Variants in KLHL2 observed in about 807,000 individuals in gnomAD.
KLHL2 encodes kelch-like protein 2.
A neutral mutation model predicts 75.8 loss-of-function variants in KLHL2; 15 were observed. The ratio of observed to expected loss-of-function variants is 0.20; its 90% CI spans 0.13 to 0.30. The LOEUF is 0.30. KLHL2 is among the 10% of genes least tolerant of loss of function. The pLI is 1.00. For missense variants in KLHL2, 381 were observed against 741.0 expected (o/e 0.51, Z 5.64); for synonymous variants, 214 against 251.9 (o/e 0.85, Z 1.42).
Position 165,260,660 on chromosome 4 carries a change from T to G in KLHL2, c.382-2537T>G, listed in dbSNP as rs1276087499. Among the ~76,000 whole-genome samples, 13 of 152,310 alleles carry G rather than the reference T, an allele frequency of 8.5e-5. No homozygotes were observed. The South Asian group carries it at 2.7e-3, about 32-fold the overall frequency. On this transcript the variant is annotated intron_variant, in intron 4 of 14. Transcript: ENST00000226725. ...AATATATTTTAGAAATTATCTCATTTATTAGTTTCCTCTTTCGTTTGAATG... is the reference window on the plus strand; with the variant it reads ...AATATATTTTAGAAATTATCTCATTGATTAGTTTCCTCTTTCGTTTGAATG...
chr4:165,315,735 G>A (rs1424064380), intron 13 of KLHL2, among the ~76,000 whole-genome samples: 3 of 152,074 alleles, frequency 2.0e-5, no homozygotes, highest in Admixed American at 6.5e-5. Flanking sequence ...AATAACCTAG[G>A]CTAAGGACCT....
intron 4 of KLHL2, among the ~76,000 whole-genome samples, chr4:165,243,205 T>C (rs1453352791): frequency 1.3e-5 from 2 of 152,246 alleles, no homozygotes; most frequent in African/African-American, 2.4e-5. Context: ...CTTGAACTTC[T>C]TAAAGCATTT....
intron 5 of KLHL2, among the ~76,000 whole-genome samples, chr4:165,276,467 G>A (rs1743110450): frequency 6.6e-6 from 1 of 151,994 alleles, no homozygotes; most frequent in Non-Finnish European, 1.5e-5. Context: ...CTAGGTAGAA[G>A]GGTACCACTT....
intron 4 of KLHL2, among the ~76,000 whole-genome samples, chr4:165,250,076 A>T (rs1361196484): frequency 1.3e-5 from 2 of 151,906 alleles, no homozygotes; most frequent in African/African-American, 4.8e-5. Context: ...GTAAGCCGAG[A>T]TCACCCCACT....
intron 4 of KLHL2, among the ~76,000 whole-genome samples, chr4:165,246,933 C>T (rs1740309742): frequency 1.3e-5 from 2 of 152,018 alleles, no homozygotes; most frequent in Admixed American, 6.5e-5. Flanking sequence ...TAATCTGGGG[C>T]ATTCCAGATT....
At chr4:165,255,837 A>T (rs1022804621) in intron 4 of KLHL2, among the ~76,000 whole-genome samples, 2 of 152,142 alleles carry the variant, frequency 1.3e-5, no homozygotes, top group African/African-American at 2.4e-5. Flanking sequence ...CTGTCTTTTC[A>T]TGCTTGCATG....
chr4:165,311,977 G>A (rs1579184862), intron 11 of KLHL2, among the ~76,000 whole-genome samples: 1 of 152,236 alleles, frequency 6.6e-6, no homozygotes, highest in East Asian at 1.9e-4. Flanking sequence ...GACAGGGGTG[G>A]GTTGGGGGGA....
intron 1 of KLHL2, among the ~76,000 whole-genome samples, chr4:165,212,852 A>G (rs1469247468): frequency 2.0e-5 from 3 of 152,202 alleles, no homozygotes; most frequent in Non-Finnish European, 1.5e-5. Context: ...GGCCTTGGCC[A>G]GTTCTTTTCA....
chr4:165,238,960 A>T (rs1739582928), intron 4 of KLHL2, 61 bp downstream of exon 4: 3 of 1,560,814 alleles, frequency 1.9e-6, no homozygotes, highest in Non-Finnish European at 2.6e-6. Flanking sequence ...TAATAAAAAA[A>T]GCACACCCAC....
chr4:165,271,015 A>T (rs1372273275), intron 5 of KLHL2, among the ~76,000 whole-genome samples: 9 of 152,124 alleles, frequency 5.9e-5, no homozygotes, highest in Non-Finnish European at 1.2e-4. Context: ...ATATCTACTT[A>T]TATGCCAGTG....
At chr4:165,221,423 C>T (rs1737981709) in intron 2 of KLHL2, among the ~76,000 whole-genome samples, 1 of 152,226 alleles carries the variant, frequency 6.6e-6, no homozygotes, top group Middle Eastern at 3.4e-3. Context: ...GAACAGTGTT[C>T]CAGGCATTGG....
chr4:165,247,175 T>G (rs1740327458), intron 4 of KLHL2, among the ~76,000 whole-genome samples: 1 of 152,204 alleles, frequency 6.6e-6, no homozygotes, highest in Non-Finnish European at 1.5e-5. Flanking sequence ...TCTGGTGTCT[T>G]GTCTGATTAG....
At chr4:165,246,041 A>G (rs1740232908) in intron 4 of KLHL2, among the ~76,000 whole-genome samples, 1 of 152,140 alleles carries the variant, frequency 6.6e-6, no homozygotes. Context: ...AGGGGTAGGG[A>G]CGAGACAGAT....
rs922755981 is a variant in KLHL2, at chr4:165,282,222, AT to A, written c.545-12135del. ...CCTTTGAGCATTACATTTTAGGTAA[AT>A]TCTTTGTAGGTACATTTTAGTGTGT... is the stretch of plus-strand genomic sequence containing the variant. On this transcript the variant is annotated intron_variant, in intron 5 of 14. Transcript: ENST00000226725. 4.6e-5 allele frequency among the ~76,000 whole-genome samples: 7 copies of A among 152,334 alleles called. 1 individual carries two copies. The highest frequency in any genetic ancestry group is 1.3e-4 in the Admixed American group (2 of 15,304).
chr4:165,313,105 A>G, intron 11 of KLHL2, 133 bp from the exon 12 acceptor site: 1 of 788,366 alleles, frequency 1.3e-6, no homozygotes, highest in Non-Finnish European at 2.0e-6. Context: ...TTTCATAAAA[A>G]TCAGCAGCAC....
chr4:165,281,622 T>A (rs1743696951), intron 5 of KLHL2, among the ~76,000 whole-genome samples: 1 of 152,206 alleles, frequency 6.6e-6, no homozygotes, highest in Non-Finnish European at 1.5e-5. Context: ...GCCCTGATGC[T>A]CTCTCTTGAC....
At chr4:165,294,082 A>G (rs56208210) in intron 5 of KLHL2, among the ~76,000 whole-genome samples, 11,518 of 152,216 alleles carry the variant, frequency 0.076, 893 homozygotes, top group African/African-American at 0.2. Context: ...AAATACCACC[A>G]TGTAAAACAA....
chr4:165,302,521 C>G (rs1000676127), intron 8 of KLHL2, among the ~76,000 whole-genome samples: 3 of 152,058 alleles, frequency 2.0e-5, no homozygotes, highest in Non-Finnish European at 4.4e-5. Flanking sequence ...ATGAATGATT[C>G]TTTTCATATC....
At chr4:165,224,090 A>G (rs1738235822) in intron 2 of KLHL2, 1 of 233,926 alleles carries the variant, frequency 4.3e-6, no homozygotes, top group South Asian at 3.7e-5. Flanking sequence ...AATTTTTTAT[A>G]TTTTTAGTAG....
Sources: gnomAD v4.1 joint callset for allele counts (sites outside exome capture counted in the v4.1 genomes callset) on GRCh38, gnomAD v4.1.1 for gene constraint, MANE v1.5 for transcripts, NCBI Gene and HGNC (gene_info 2026-07-23, HGNC 2026-07-21) for gene names.